FMN2: variants seen among roughly 807,000 people sequenced by gnomAD.
The protein encoded by FMN2 is formin-2.
A neutral mutation model predicts 142.3 loss-of-function variants in FMN2; 51 were observed. The ratio of observed to expected loss-of-function variants is 0.36; its 90% CI spans 0.29 to 0.45. The LOEUF (loss-of-function observed/expected upper bound fraction) is 0.45, where lower values mean the gene tolerates loss of function less well. Among genes scored for constraint, FMN2 ranks in the 20% least tolerant of loss-of-function variants. The pLI, the probability that FMN2 is intolerant of heterozygous loss-of-function variation, is 1.00. For missense variants in FMN2, 1,936 were observed against 2,122.8 expected (o/e 0.91, Z 1.73); for synonymous variants, 882 against 869.8 (o/e 1.01, Z -0.25).
At chr1:240,300,276 A>G (rs1006360505) in intron 8 of FMN2, among the ~76,000 whole-genome samples, 3 of 152,188 alleles carry the variant, frequency 2.0e-5, no homozygotes, top group Non-Finnish European at 2.9e-5. Flanking sequence ...TATGATCTCT[A>G]TGCTATTTAA....
At position 240,324,393 on chromosome 1, in the gene FMN2, C is replaced by T. The variant is rs151231371; in HGVS notation, c.4216-4683C>T. Among the ~76,000 whole-genome samples, 993 of 152,294 alleles carry T rather than the reference C, an allele frequency of 6.5e-3. 11 individuals are homozygous for T. Among genetic ancestry groups the T allele is most frequent in the African/African-American group, 0.023 (938 of 41,570 alleles). On this transcript the variant is annotated intron_variant, in intron 8 of 17. Transcript: ENST00000319653. ...TGGTTTAAGGCCAGGCGCAGAGGCT[C>T]ATGCCTGTAATCCCAGCACTTCGGG...
At chr1:240,140,645 T>G (rs776511403) in intron 2 of FMN2, among the ~76,000 whole-genome samples, 4 of 150,544 alleles carry the variant, frequency 2.7e-5, no homozygotes, top group Non-Finnish European at 5.9e-5. Flanking sequence ...GAACAGCTCA[T>G]GTCCAGGTTA....
At chr1:240,139,984 G>A (rs2103250233) in intron 2 of FMN2, among the ~76,000 whole-genome samples, 1 of 152,304 alleles carries the variant, frequency 6.6e-6, no homozygotes, top group African/African-American at 2.4e-5. Flanking sequence ...GGTTCGGATA[G>A]GATGCCTACA....
intron 14 of FMN2, among the ~76,000 whole-genome samples, chr1:240,382,161 A>T (rs1309516775): frequency 6.6e-6 from 1 of 152,212 alleles, no homozygotes; most frequent in African/African-American, 2.4e-5. Flanking sequence ...AAAAATAAAT[A>T]TCATTTCTGT....
chr1:240,189,685 A>T (rs1025911457), intron 4 of FMN2, among the ~76,000 whole-genome samples: 3 of 152,196 alleles, frequency 2.0e-5, no homozygotes, highest in African/African-American at 7.2e-5. Context: ...GCTTATTGTT[A>T]TGGGAGCAGA....
At chr1:240,151,686 C>T (rs1342714550) in intron 2 of FMN2, among the ~76,000 whole-genome samples, 1 of 152,120 alleles carries the variant, frequency 6.6e-6, no homozygotes. Flanking sequence ...AATTTTAAGA[C>T]TGAATCACTG....
At chr1:240,263,266 A>C (rs895157589) in intron 7 of FMN2, among the ~76,000 whole-genome samples, 1 of 152,184 alleles carries the variant, frequency 6.6e-6, no homozygotes, top group Non-Finnish European at 1.5e-5. Flanking sequence ...ACTGTGATCT[A>C]TCTGAAAGGT....
chr1:240,171,257 A>T, intron 2 of FMN2: 1 of 759,516 alleles, frequency 1.3e-6, no homozygotes, highest in Non-Finnish European at 2.5e-6. Flanking sequence ...GAACTGTTGC[A>T]TTCTGGAAAA....
At chr1:240,167,473 A>G (rs1292014958) in intron 2 of FMN2, among the ~76,000 whole-genome samples, 2 of 152,114 alleles carry the variant, frequency 1.3e-5, no homozygotes, top group Non-Finnish European at 2.9e-5. Flanking sequence ...CAGAGATCTC[A>G]GTTCATCCTG....
At chr1:240,228,327 A>AAAAAAAAAAAAG (rs1667404340) in intron 6 of FMN2, among the ~76,000 whole-genome samples, 25 of 78,330 alleles carry the variant, frequency 3.2e-4, no homozygotes, top group Non-Finnish European at 4.6e-4. Flanking sequence ...AAAAAAAAAA[A>AAAAAAAAAAAAG]AAAAAGAAAA....
intron 7 of FMN2, among the ~76,000 whole-genome samples, chr1:240,263,237 T>G (rs1558400215): frequency 6.6e-6 from 1 of 152,236 alleles, no homozygotes; most frequent in Non-Finnish European, 1.5e-5. Context: ...TTTACCTCTC[T>G]GTCTTTATAG....
chr1:240,419,323 A>T (rs12070220), intron 15 of FMN2, among the ~76,000 whole-genome samples: 4 of 151,950 alleles, frequency 2.6e-5, no homozygotes, highest in Non-Finnish European at 4.4e-5. Flanking sequence ...ACTTTGCCTT[A>T]TGTTAATATT....
rs192017586 is a variant in FMN2 at position 240,135,295 on chromosome 1, T to C, written c.1782+11950T>C. Among the ~76,000 whole-genome samples, 4 of 152,254 alleles carry C rather than the reference T, an allele frequency of 2.6e-5. No individual in the cohort carries two copies. In the East Asian group the frequency reaches 7.7e-4, roughly 29 times the overall value. On this transcript the variant is annotated intron_variant, in intron 2 of 17. Transcript: ENST00000319653. ...CTTGATTGGATAATTTCTTGTGGGG[T>C]AAAATCATGGATGGGAACAGTCAAT...
intron 8 of FMN2, among the ~76,000 whole-genome samples, chr1:240,311,574 CACTT>C (rs905394226): frequency 2.6e-5 from 4 of 152,032 alleles, no homozygotes; most frequent in Non-Finnish European, 5.9e-5. Context: ...GATCTTGAAT[CACTT>C]ACAGATTGAC....
chr1:240,269,040 G>A (rs752804030), intron 7 of FMN2, among the ~76,000 whole-genome samples: 1 of 151,900 alleles, frequency 6.6e-6, no homozygotes, highest in Non-Finnish European at 1.5e-5. Flanking sequence ...GTGTGCAGAA[G>A]CATTTTGATT....
chr1:240,106,581 G>A (rs745526617), intron 1 of FMN2, among the ~76,000 whole-genome samples: 8 of 152,022 alleles, frequency 5.3e-5, no homozygotes, highest in Non-Finnish European at 1.0e-4. Context: ...GCCAAGCTAT[G>A]CCACTCTTCC....
intron 13 of FMN2, among the ~76,000 whole-genome samples, chr1:240,339,193 T>A (rs1315767011): frequency 6.6e-6 from 1 of 152,164 alleles, no homozygotes; most frequent in Non-Finnish European, 1.5e-5. Flanking sequence ...GCCCAGGGGT[T>A]GAGGACCCCT....
At position 240,397,441 on chromosome 1, in the gene FMN2, A is replaced by G. The variant is rs555889948; in HGVS notation, c.4910+4879A>G. ...ATTGGAGGAAACCCAGCATGTTTTA[A>G]AGGGAAATCTACTTTTTTCAATGCC... On this transcript the variant is annotated intron_variant, in intron 15 of 17. Transcript: ENST00000319653. 5.3e-5 allele frequency among the ~76,000 whole-genome samples: 8 copies of G among 152,244 alleles called. No homozygotes were observed. In the South Asian group the frequency reaches 1.7e-3, roughly 32 times the overall value.
At chr1:240,099,408 G>C (rs1484960176) in intron 1 of FMN2, among the ~76,000 whole-genome samples, 2 of 151,696 alleles carry the variant, frequency 1.3e-5, no homozygotes, top group African/African-American at 4.9e-5. Flanking sequence ...TGTGGTGGGG[G>C]GTTGGATAAG....
Sources: allele counts gnomAD v4.1 joint callset (sites outside exome capture counted in the v4.1 genomes callset), GRCh38; gene constraint gnomAD v4.1.1; transcripts MANE v1.5; gene names NCBI Gene and HGNC (gene_info 2026-07-23, HGNC 2026-07-21).